PLXNA1: variants seen among roughly 807,000 people sequenced by gnomAD.
PLXNA1 encodes the protein plexin A1.
A neutral mutation model predicts 191.7 loss-of-function variants in PLXNA1; 77 were observed. The ratio of observed to expected loss-of-function variants is 0.40; its 90% confidence interval spans 0.33 to 0.49. The LOEUF (loss-of-function observed/expected upper bound fraction) is 0.49, where lower values mean the gene tolerates loss of function less well. Among genes scored for constraint, PLXNA1 ranks in the 20% least tolerant of loss-of-function variants. The probability of loss-of-function intolerance (pLI) is 0.63; values close to 1 mark genes in which losing one functional copy is unlikely to be tolerated. For missense variants in PLXNA1, 2,110 were observed against 2,660.2 expected (o/e 0.79, Z 4.55); for synonymous variants, 1,137 against 1,156.4 (o/e 0.98, Z 0.34).
chr3:127,018,292 A>T lies in PLXNA1; in HGVS notation c.3661-2A>T. On this transcript the variant is annotated splice_acceptor_variant, in intron 19 of 31. Transcript: ENST00000393409. LOFTEE classifies it high-confidence loss of function. The stretch of plus-strand genomic sequence containing the variant: ...TCCTGAGTGGCCTCCACCCACTGGC[A>T]GGTGCGGGCAGGTGGCTTCGAGTTC... 1 of 1,592,548 alleles carries T rather than the reference A, an allele frequency of 6.3e-7. No homozygotes were observed.
intron 29 of PLXNA1, among the ~76,000 whole-genome samples, 169 bp from the exon 30 acceptor site, chr3:127,032,218 C>A (rs1428517206): frequency 6.6e-6 from 1 of 152,188 alleles, no homozygotes; most frequent in Admixed American, 6.5e-5. Flanking sequence ...GGTTGGGTGG[C>A]AGGGGACGGC....
chr3:127,022,286 G>A lies in PLXNA1; in HGVS notation c.4240G>A (p.Asp1414Asn), dbSNP rs1226750546. 7.4e-6 allele frequency: 12 copies of A among 1,613,204 alleles called. No individual in the cohort carries two copies. The highest frequency in any genetic ancestry group is 1.1e-5 in the South Asian group (1 of 91,072). ...AGGCGTGCTCAAGCAGCTGCTTTCC[G>A]ACCTCATCGAGAAGAACCTGGAGAG... ...ATGVLKQLLS[D>N]LIEKNLESKN... The change falls in exon 22 of 32, where the codon GAC becomes AAC. Residue 1414 changes from aspartate (D) to asparagine (N), a missense_variant. Asp to Asn is a conservative substitution (Grantham distance 23, BLOSUM62 1). This residue lies in a region of PLXNA1 where 559 missense variants were observed against 911.5 expected (regional missense o/e 0.61). Coordinates refer to ENST00000393409, the MANE Select transcript of PLXNA1 (RefSeq NM_032242.4).
Position 127,014,211 on chromosome 3 carries a change from G to A in PLXNA1, c.2440G>A (p.Glu814Lys), listed in dbSNP as rs776095911. The A allele has an allele frequency of 7.5e-6, 12 of 1,607,960 alleles. No homozygotes were observed. Among genetic ancestry groups the A allele is most frequent in the South Asian group, 1.1e-5 (1 of 90,838 alleles). Residue 814 changes from glutamate to lysine, a missense_variant, in exon 12 of 32, where the codon GAG (glutamate) becomes AAG (lysine). Physicochemically the swap from Glu to Lys is moderately conservative, Grantham distance 56. This residue lies in a region of PLXNA1 where 644 missense variants were observed against 714.3 expected (regional missense o/e 0.90). Coordinates refer to ENST00000393409, the MANE Select transcript of PLXNA1 (RefSeq NM_032242.4). ...AHLYKCPALR[E>K]SCGLCLKADP... ...CCTCTACAAGTGCCCGGCCCTGCGCGAGAGCTGCGGCCTCTGCCTCAAGGC... is the reference window on the plus strand; with the variant it reads ...CCTCTACAAGTGCCCGGCCCTGCGCAAGAGCTGCGGCCTCTGCCTCAAGGC...
Position 126,988,712 on chromosome 3 carries a change from C to A in PLXNA1, c.119C>A (p.Pro40His), listed in dbSNP as rs528513486. ...AGGGCAGGCGGGGGTTCACAGCCCC[C>A]CTTCCGCACCTTCTCGGCCAGCGAC... ...LPRAGGGSQP[P>H]FRTFSASDWG... Residue 40 changes from proline to histidine, a missense_variant, in exon 2 of 32, where the codon CCC becomes CAC. By Grantham distance (77) the Pro-to-His change is moderately conservative. Around this residue, in one of 4 missense-constraint regions of PLXNA1, gnomAD observed 903 missense variants for 1,015.7 expected, o/e 0.89. Transcript: ENST00000393409. 44 of 1,573,454 alleles carry A rather than the reference C, an allele frequency of 2.8e-5. No homozygotes were observed. The highest frequency in any genetic ancestry group is 2.7e-4 in the African/African-American group (20 of 74,442).
chr3:127,000,387 C>T (rs983691240), intron 3 of PLXNA1, among the ~76,000 whole-genome samples: 2 of 152,098 alleles, frequency 1.3e-5, no homozygotes, highest in Non-Finnish European at 2.9e-5. Context: ...GCGGGTGGCC[C>T]GAAAGTGGAC....
chr3:127,000,291 C>A (rs1323180685), intron 3 of PLXNA1, among the ~76,000 whole-genome samples: 1 of 152,164 alleles, frequency 6.6e-6, no homozygotes, highest in Non-Finnish European at 1.5e-5. Flanking sequence ...CGGGACACGT[C>A]AAGCCTCTCA....
intron 31 of PLXNA1, 29 bp downstream of exon 31, chr3:127,032,865 G>A: frequency 6.2e-7 from 1 of 1,605,188 alleles, no homozygotes; most frequent in Non-Finnish European, 8.5e-7. Context: ...CACAGGCTGG[G>A]CTAGGAGGGC....
chr3:127,020,384 G>T, intron 21 of PLXNA1, 40 bp downstream of exon 21: 1 of 1,604,780 alleles, frequency 6.2e-7, no homozygotes, highest in South Asian at 1.1e-5. Context: ...GAACTCAGAG[G>T]CAGCTGCTAT....
Position 127,012,226 on chromosome 3 carries a change from G to C in PLXNA1, c.2313+68G>C, listed in dbSNP as rs1576680714. ...GGGCCGGTTATCCTCACGGCCCTGG[G>C]TCCTGGCGTGTGCTTGTTCATAAAG... On this transcript the variant is annotated intron_variant, in intron 10 of 31. Coordinates refer to ENST00000393409, the MANE Select transcript of PLXNA1 (RefSeq NM_032242.4). 3 of 1,496,958 alleles carry C rather than the reference G, an allele frequency of 2.0e-6. No homozygotes were observed. The East Asian group carries it at 7.1e-5, about 36-fold the overall frequency. The allele number at this position is 1,496,958 out of a possible 1,614,324, so 92.7% of individuals were successfully genotyped here.
chr3:127,020,703 C>A (rs2079148006), intron 21 of PLXNA1, among the ~76,000 whole-genome samples: 1 of 152,244 alleles, frequency 6.6e-6, no homozygotes, highest in Non-Finnish European at 1.5e-5. Flanking sequence ...TGGCACCTCC[C>A]CGGTGGCTGC....
At chr3:127,028,931 C>A in intron 25 of PLXNA1, 62 bp from the exon 26 acceptor site, 3 of 1,328,252 alleles carry the variant, frequency 2.3e-6, no homozygotes, top group Non-Finnish European at 3.2e-6. Flanking sequence ...CACTACACTG[C>A]TGTGATGGAG....
intron 1 of PLXNA1, among the ~76,000 whole-genome samples, chr3:126,986,068 G>T (rs2078957819): frequency 6.6e-6 from 1 of 152,184 alleles, no homozygotes; most frequent in Non-Finnish European, 1.5e-5. Context: ...GGTCCCTCCT[G>T]TTGAATACAA....
intron 29 of PLXNA1, 36 bp downstream of exon 29, chr3:127,030,448 G>A (rs763782476): frequency 6.2e-7 from 1 of 1,609,028 alleles, no homozygotes; most frequent in Non-Finnish European, 8.5e-7. Flanking sequence ...GCATCCCCCA[G>A]GGCCAGGCCA....
Position 127,034,152 on chromosome 3 carries a change from T to TCCCCTGCCTCACCCGGGA in PLXNA1, c.*151_*152insGACCCCTGCCTCACCCGG. The TCCCCTGCCTCACCCGGGA allele has an allele frequency of 1.3e-6, 1 of 744,782 alleles. No homozygotes were observed. The highest frequency in any genetic ancestry group is 2.2e-6 in the Non-Finnish European group (1 of 461,638). The allele number at this position is 744,782 out of a possible 1,614,324, so 46.1% of individuals were successfully genotyped here. On this transcript the variant is annotated 3_prime_UTR_variant, in exon 32 of 32. Coordinates refer to ENST00000393409, the MANE Select transcript of PLXNA1 (RefSeq NM_032242.4). ...AGTGCAGCGACTGCCCGGCCCTCCC[T>TCCCCTGCCTCACCCGGGA]CCCCTGCCTCACCCGGTCGGGTCCC...
Position 127,029,462 on chromosome 3 carries a change from C to T in PLXNA1, c.4796C>T (p.Ala1599Val). The change falls in exon 27 of 32, where the codon GCA (alanine) becomes GTA (valine). Residue 1599 changes from alanine to valine, a missense_variant. Physicochemically the swap from Ala to Val is moderately conservative, Grantham distance 64. This residue lies in a region of PLXNA1 where 559 missense variants were observed against 911.5 expected (regional missense o/e 0.61). Coordinates refer to ENST00000393409, the MANE Select transcript of PLXNA1 (RefSeq NM_032242.4). ...HYQVTDGSSV[A>V]LVPKQTSAYN... ...CAGGTGACAGACGGGTCCTCGGTGG[C>T]ACTGGTGCCCAAGCAGACGTCCGCC... 2 of 1,613,864 alleles carry T rather than the reference C, an allele frequency of 1.2e-6. No individual in the cohort carries two copies. Among genetic ancestry groups the T allele is most frequent in the Non-Finnish European group, 1.7e-6 (2 of 1,179,956 alleles).
intron 21 of PLXNA1, among the ~76,000 whole-genome samples, chr3:127,020,566 G>T (rs2079147380): frequency 6.6e-6 from 1 of 152,192 alleles, no homozygotes; most frequent in Non-Finnish European, 1.5e-5. Context: ...TGGGGTTGGG[G>T]CAGGGGAATG....
rs544991662 is a variant in PLXNA1 at position 126,991,537 on chromosome 3, G to T, written c.1348G>T (p.Ala450Ser). 2.5e-6 allele frequency: 4 copies of T among 1,595,470 alleles called. No homozygotes were observed. Among genetic ancestry groups the T allele is most frequent in the Non-Finnish European group, 1.7e-6 (2 of 1,168,044 alleles). ...CTATCGGGGCCGCACTGTGGTATTCGCCGGCACGCGAAGTGGCCGCATCCG... is the reference window on the plus strand; with the variant it reads ...CTATCGGGGCCGCACTGTGGTATTCTCCGGCACGCGAAGTGGCCGCATCCG... Reference protein sequence around the residue: ...YDYRGRTVVFAGTRSGRIRKI... With the variant: ...YDYRGRTVVFSGTRSGRIRKI... Residue 450 changes from alanine (A) to serine (S), a missense_variant, in exon 3 of 32, where the codon GCC becomes TCC. Ala to Ser is a moderately conservative substitution (Grantham distance 99, BLOSUM62 1). Coordinates refer to ENST00000393409, the MANE Select transcript of PLXNA1 (RefSeq NM_032242.4).
In PLXNA1 at chr3:126,989,729, G is replaced by T; in HGVS notation, c.1136G>T (p.Gly379Val). ...GAGCGCATCCAGTCCTGCTACCGTG[G>T]TGAGGGCAAGCTCTCCCTGCCGTGG... Reference protein sequence around the residue: ...IKERIQSCYRGEGKLSLPWLL... With the variant: ...IKERIQSCYRVEGKLSLPWLL... Residue 379 changes from glycine (G) to valine (V), a missense_variant, in exon 2 of 32, where the codon GGT becomes GTT. Coordinates refer to ENST00000393409, the MANE Select transcript of PLXNA1 (RefSeq NM_032242.4). The T allele has an allele frequency of 6.2e-7, 1 of 1,613,040 alleles. No homozygotes were observed. The highest frequency in any genetic ancestry group is 8.5e-7 in the Non-Finnish European group (1 of 1,179,976).
At chr3:126,995,400 G>A (rs565485234) in intron 3 of PLXNA1, among the ~76,000 whole-genome samples, 16 of 152,154 alleles carry the variant, frequency 1.1e-4, no homozygotes, top group Non-Finnish European at 2.4e-4. Flanking sequence ...TACCCCCATG[G>A]GAGGGGAGAG....
Sources: gnomAD v4.1 joint callset for allele counts (sites outside exome capture counted in the v4.1 genomes callset) on GRCh38, gnomAD v4.1.1 for gene constraint, gnomAD v4.1.1 regional missense constraint, MANE v1.5 for transcripts, NCBI Gene and HGNC (gene_info 2026-07-23, HGNC 2026-07-21) for gene names.